SV2B: variants seen among roughly 807,000 people sequenced by gnomAD.
The protein encoded by SV2B is synaptic vesicle glycoprotein 2B.
In SV2B, 41 loss-of-function variants were observed where a neutral mutation model predicts 73.9. That is an observed-to-expected ratio of 0.56 (90% CI 0.43 to 0.72). The LOEUF is 0.72. Ranked by LOEUF, SV2B falls within the 30% of genes least tolerant of loss-of-function variation. The probability of loss-of-function intolerance (pLI) is 0.00; values close to 1 mark genes in which losing one functional copy is unlikely to be tolerated. For synonymous variants in SV2B, 314 were observed against 314.2 expected, an observed-to-expected ratio of 1.00 and a Z score of 0.01; for missense variants, 764 against 857.8, an observed-to-expected ratio of 0.89 and a Z score of 1.37.
intron 1 of SV2B, among the ~76,000 whole-genome samples, chr15:91,195,081 C>T (rs2045196745): frequency 6.6e-6 from 1 of 152,218 alleles, no homozygotes; most frequent in South Asian, 2.1e-4. Context: ...ATAGGGGCTT[C>T]TTGTTACCAC....
intron 1 of SV2B, among the ~76,000 whole-genome samples, chr15:91,102,665 G>A (rs2041765957): frequency 6.6e-6 from 1 of 152,202 alleles, no homozygotes; most frequent in South Asian, 2.1e-4. Flanking sequence ...AGTATAGAGT[G>A]TATCAGCTAA....
intron 1 of SV2B, among the ~76,000 whole-genome samples, chr15:91,112,698 T>C (rs1260223341): frequency 6.6e-6 from 1 of 152,242 alleles, no homozygotes; most frequent in African/African-American, 2.4e-5. Flanking sequence ...ATTTTCCCGC[T>C]TTCTCTTTTT....
chr15:91,186,011 C>T (rs2044755813), intron 1 of SV2B, among the ~76,000 whole-genome samples: 1 of 152,192 alleles, frequency 6.6e-6, no homozygotes, highest in Non-Finnish European at 1.5e-5. Context: ...CCTGCTTCTT[C>T]TCTCTTCTGT....
At chr15:91,157,319 C>T (rs1402689480) in intron 1 of SV2B, among the ~76,000 whole-genome samples, 1 of 152,064 alleles carries the variant, frequency 6.6e-6, no homozygotes, top group Non-Finnish European at 1.5e-5. Context: ...AGGGAGGTGT[C>T]CTAGATCAAC....
Position 91,153,094 on chromosome 15 carries a change from C to T in SV2B, c.-392+52731C>T, listed in dbSNP as rs191554237. 3.3e-5 allele frequency among the ~76,000 whole-genome samples: 5 copies of T among 152,212 alleles called. No individual in the cohort carries two copies. In the East Asian group the frequency reaches 9.7e-4, roughly 29 times the overall value. On this transcript the variant is annotated intron_variant, in intron 1 of 12. Transcript: ENST00000394232. ...TGCAGAAGGGCTAAAGGGATGAATGCTCTGTCCTTATATGGCAGGGGAGAT... is the reference window on the plus strand; with the variant it reads ...TGCAGAAGGGCTAAAGGGATGAATGTTCTGTCCTTATATGGCAGGGGAGAT...
chr15:91,165,475 A>G (rs997301105), intron 1 of SV2B, among the ~76,000 whole-genome samples: 4 of 152,242 alleles, frequency 2.6e-5, no homozygotes, highest in Non-Finnish European at 5.9e-5. Context: ...AGTAATGCAG[A>G]TGATTTAAAG....
rs2049406724 is a variant in SV2B, at chr15:91,300,471, C to T, written c.*7919C>T. ...TCATTCATACTTGTGAATCTTCTTC[C>T]TCTTCTACTTCAAAGTAGCCAAAAC... On this transcript the variant is annotated 3_prime_UTR_variant, in exon 13 of 13. Transcript: ENST00000394232. The T allele has an allele frequency of 6.6e-6, 1 of 152,194 alleles. No individual in the cohort carries two copies. Among genetic ancestry groups the T allele is most frequent in the African/African-American group, 2.4e-5 (1 of 41,440 alleles). The allele number at this position is 152,194 out of a possible 1,614,324, so 9.4% of individuals were successfully genotyped here. A position where few individuals can be genotyped will look rare whatever the true frequency, so the allele number is the denominator to read the frequency against.
intron 1 of SV2B, among the ~76,000 whole-genome samples, chr15:91,120,811 C>CAAAAAAAAA (rs756474473): frequency 1.0e-5 from 1 of 97,286 alleles, no homozygotes. Context: ...GAACCTGTCT[C>CAAAAAAAAA]AAAAAAAAAA....
chr15:91,230,060 G>A (rs879373693), intron 2 of SV2B, among the ~76,000 whole-genome samples: 3 of 152,014 alleles, frequency 2.0e-5, no homozygotes, highest in African/African-American at 4.8e-5. Context: ...GGGCAACATG[G>A]TGAAACCCGT....
intron 1 of SV2B, among the ~76,000 whole-genome samples, chr15:91,153,364 A>G (rs963241201): frequency 3.9e-5 from 6 of 152,100 alleles, no homozygotes; most frequent in Non-Finnish European, 8.8e-5. Flanking sequence ...TTGGGAAACT[A>G]GCATTGCATC....
At position 91,137,332 on chromosome 15, in the gene SV2B, T is replaced by A. The variant is rs1342570116; in HGVS notation, c.-392+36969T>A. Among the ~76,000 whole-genome samples, 1 of 152,176 alleles carries A rather than the reference T, an allele frequency of 6.6e-6. No individual in the cohort carries two copies. The highest frequency in any genetic ancestry group is 1.9e-4 in the East Asian group (1 of 5,190). On this transcript the variant is annotated intron_variant, in intron 1 of 12. Coordinates refer to ENST00000394232, the MANE Select transcript of SV2B (RefSeq NM_001323032.3). The surrounding 1 kb of genome is among the most constrained non-coding windows in gnomAD (Gnocchi z 4.9). Reference sequence around the variant, plus strand: ...CTCCATTGTTTTAAAAATTGTGTGATTCTAAATGTGAGATGGAAGATGAGG... The same window carrying A: ...CTCCATTGTTTTAAAAATTGTGTGAATCTAAATGTGAGATGGAAGATGAGG...
intron 1 of SV2B, among the ~76,000 whole-genome samples, chr15:91,194,278 C>T (rs545462042): frequency 3.0e-4 from 45 of 152,184 alleles, no homozygotes; most frequent in African/African-American, 9.9e-4. Flanking sequence ...GCTTCTCCCT[C>T]GGCTCTGCCC....
In SV2B at chr15:91,284,258, C is replaced by T. The variant is rs76198337; in HGVS notation, c.1708+37C>T. ...GCAGGGTCATTCCTGGGTTCCAACG[C>T]GCTGGGGTGGTGACTTTCAAGTGTA... On this transcript the variant is annotated intron_variant, in intron 11 of 12. Transcript: ENST00000394232. The surrounding 1 kb of genome is among the most constrained non-coding windows in gnomAD (Gnocchi z 4.5). The T allele has an allele frequency of 5.4e-3, 8,750 of 1,606,406 alleles. 350 individuals carry two copies. In the African/African-American group the frequency reaches 0.097, roughly 18 times the overall value.
In SV2B at chr15:91,288,920, C is replaced by T. The variant is rs944318349; in HGVS notation, c.1709-601C>T. ...CTCGAACTCCTGACCTCAAGTGATC[C>T]ACCCACCTTGGCCTCCCAAAGTGCT... On this transcript the variant is annotated intron_variant, in intron 11 of 12. Coordinates refer to ENST00000394232, the MANE Select transcript of SV2B (RefSeq NM_001323032.3). This position sits in a 1 kb window ranked among gnomAD's most constrained non-coding sequence, Gnocchi z 5.8. Among the ~76,000 whole-genome samples the T allele has an allele frequency of 6.6e-6, 1 of 152,144 alleles. No individual in the cohort carries two copies. Among genetic ancestry groups the T allele is most frequent in the African/African-American group, 2.4e-5 (1 of 41,418 alleles).
Position 91,140,575 on chromosome 15 carries a change from C to A in SV2B, c.-392+40212C>A, listed in dbSNP as rs933920646. ...TTCATTAGGTCTGCTTCCATTTAAC[C>A]CGAGGCCTGAGGAGTAGCCCATTGC... On this transcript the variant is annotated intron_variant, in intron 1 of 12. Transcript: ENST00000394232. The surrounding 1 kb of genome is among the most constrained non-coding windows in gnomAD (Gnocchi z 4.4). Among the ~76,000 whole-genome samples the A allele has an allele frequency of 1.3e-5, 2 of 152,128 alleles. No homozygotes were observed. The highest frequency in any genetic ancestry group is 2.4e-5 in the African/African-American group (1 of 41,434).
At chr15:91,211,597 G>A (rs543569651) in intron 1 of SV2B, among the ~76,000 whole-genome samples, 2 of 150,730 alleles carry the variant, frequency 1.3e-5, no homozygotes, top group Admixed American at 6.6e-5. Context: ...TCTGCCTTCC[G>A]GGTTCAAGCA....
At chr15:91,211,455 C>T (rs2045857468) in intron 1 of SV2B, among the ~76,000 whole-genome samples, 1 of 151,622 alleles carries the variant, frequency 6.6e-6, no homozygotes, top group South Asian at 2.1e-4. Flanking sequence ...CTTCCATCTT[C>T]TTCCTCCTCT....
chr15:91,289,616 A>T lies in SV2B; in HGVS notation c.1804A>T (p.Thr602Ser), dbSNP rs145084958. The change falls in exon 12 of 13, where the codon ACA becomes TCA. Residue 602 changes from threonine to serine, a missense_variant. Coordinates refer to ENST00000394232, the MANE Select transcript of SV2B (RefSeq NM_001323032.3). This position sits in a 1 kb window ranked among gnomAD's most constrained non-coding sequence, Gnocchi z 4.9. ...MIGWQCLFCG[T>S]SIAAWNALDV... ...CGGCTGGCAGTGCCTGTTCTGTGGGACAAGCATTGCAGCCTGGAATGCTCT... is the reference window on the plus strand; with the variant it reads ...CGGCTGGCAGTGCCTGTTCTGTGGGTCAAGCATTGCAGCCTGGAATGCTCT... The T allele has an allele frequency of 5.8e-5, 93 of 1,614,008 alleles. No individual in the cohort carries two copies. In the Middle Eastern group the frequency reaches 9.9e-4, roughly 17 times the overall value.
chr15:91,120,436 A>G (rs1200751789), intron 1 of SV2B, among the ~76,000 whole-genome samples: 1 of 152,204 alleles, frequency 6.6e-6, no homozygotes, highest in East Asian at 1.9e-4. Flanking sequence ...ATATTTGGGA[A>G]TTATAATTCA....
Sources: allele counts gnomAD v4.1 joint callset (sites outside exome capture counted in the v4.1 genomes callset), GRCh38; gene constraint gnomAD v4.1.1; non-coding constraint Gnocchi (gnomAD v3.1); transcripts MANE v1.5; gene names NCBI Gene and HGNC (gene_info 2026-07-23, HGNC 2026-07-21).